Variants in MSH3 observed in about 807,000 individuals in gnomAD.
MSH3 encodes mutS homolog 3.
Under a neutral mutation model 123.3 loss-of-function variants are expected in MSH3, and 106 were observed. The ratio of observed to expected loss-of-function variants is 0.86; its 90% CI spans 0.73 to 1.01. The LOEUF (loss-of-function observed/expected upper bound fraction) is 1.01, where lower values mean the gene tolerates loss of function less well. MSH3 is among the 50% of genes least tolerant of loss of function. MSH3 has a pLI of 0.00. For missense variants in MSH3, 1,459 were observed against 1,347.6 expected (o/e 1.08, Z -1.29); for synonymous variants, 515 against 481.4 (o/e 1.07, Z -0.91).
intron 13 of MSH3, among the ~76,000 whole-genome samples, chr5:80,767,225 A>G (rs1010506207): frequency 2.0e-5 from 3 of 152,144 alleles, no homozygotes; most frequent in African/African-American, 2.4e-5. Flanking sequence ...TTGTTAGTCT[A>G]TTTTTAGATA....
intron 12 of MSH3, among the ~76,000 whole-genome samples, chr5:80,751,726 T>A (rs528943256): frequency 1.6e-4 from 24 of 152,162 alleles, no homozygotes; most frequent in Non-Finnish European, 3.2e-4. Context: ...ATCTTAATAA[T>A]TCCATCTACA....
intron 8 of MSH3, among the ~76,000 whole-genome samples, chr5:80,712,123 C>A (rs796525967): frequency 1.3e-5 from 2 of 152,250 alleles, no homozygotes; most frequent in African/African-American, 4.8e-5. Flanking sequence ...ATGGCTGCCT[C>A]CTGGTGTTCC....
intron 18 of MSH3, among the ~76,000 whole-genome samples, chr5:80,789,959 T>G (rs1744580601): frequency 6.6e-6 from 1 of 152,206 alleles, no homozygotes; most frequent in Non-Finnish European, 1.5e-5. Context: ...CCTGTTATGT[T>G]GACAAACATT....
At chr5:80,725,176 C>G (rs1346164765) in intron 8 of MSH3, among the ~76,000 whole-genome samples, 1 of 140,994 alleles carries the variant, frequency 7.1e-6, no homozygotes, top group Non-Finnish European at 1.5e-5. Flanking sequence ...ATTGCTGCCA[C>G]TGCACTCCAG....
At chr5:80,798,456 A>G (rs1744736919) in intron 19 of MSH3, among the ~76,000 whole-genome samples, 1 of 152,300 alleles carries the variant, frequency 6.6e-6, no homozygotes, top group African/African-American at 2.4e-5. Flanking sequence ...AGTTTAAAAG[A>G]CTAGTTACAG....
chr5:80,870,556 C>T (rs974552545), intron 22 of MSH3, among the ~76,000 whole-genome samples: 21 of 152,168 alleles, frequency 1.4e-4, no homozygotes, highest in African/African-American at 4.1e-4. Context: ...CACCTACTTC[C>T]GCACCTGTGT....
intron 20 of MSH3, among the ~76,000 whole-genome samples, chr5:80,845,202 T>A (rs1431624667): frequency 1.3e-5 from 2 of 152,208 alleles, no homozygotes; most frequent in African/African-American, 4.8e-5. Flanking sequence ...TGAAAATTCT[T>A]TTCTTTAAGA....
In MSH3 at chr5:80,792,809, C is replaced by G; in HGVS notation, c.2620C>G (p.Gln874Glu). The G allele has an allele frequency of 6.2e-7, 1 of 1,612,780 alleles. No individual in the cohort carries two copies. The highest frequency in any genetic ancestry group is 1.1e-5 in the South Asian group (1 of 91,008). Residue 874 changes from glutamine (Q) to glutamate (E), a missense_variant, in exon 19 of 24, where the codon CAG becomes GAG. Gln to Glu is a conservative substitution (Grantham distance 29, BLOSUM62 2). Transcript: ENST00000265081. ...HPVIDVLLGE[Q>E]DQYVPNNTDL... is the part of the protein sequence containing the mutation. ...TGTGATTGATGTGTTGCTGGGAGAA[C>G]AGGATCAATATGTCCCAAATAATAC...
chr5:80,784,635 A>G (rs1301686363), intron 17 of MSH3, among the ~76,000 whole-genome samples: 4 of 152,134 alleles, frequency 2.6e-5, no homozygotes, highest in African/African-American at 9.7e-5. Flanking sequence ...GTGCTATCAA[A>G]TAGTAGGTCT....
intron 20 of MSH3, among the ~76,000 whole-genome samples, chr5:80,833,323 G>C (rs1278835882): frequency 1.3e-5 from 2 of 152,088 alleles, no homozygotes; most frequent in African/African-American, 4.8e-5. Context: ...CAGACAGCTT[G>C]ATAATAATAA....
chr5:80,715,843 G>C (rs1750949530), intron 8 of MSH3, among the ~76,000 whole-genome samples: 1 of 152,124 alleles, frequency 6.6e-6, no homozygotes, highest in Non-Finnish European at 1.5e-5. Flanking sequence ...CCATGATCCA[G>C]TCACCTCCCA....
At chr5:80,721,444 T>C (rs1378410019) in intron 8 of MSH3, among the ~76,000 whole-genome samples, 7 of 152,244 alleles carry the variant, frequency 4.6e-5, no homozygotes, top group Non-Finnish European at 7.3e-5. Context: ...ATATACAAAC[T>C]GCACTCCCAA....
intron 7 of MSH3, among the ~76,000 whole-genome samples, chr5:80,678,062 G>A (rs1749881750): frequency 6.6e-6 from 1 of 152,196 alleles, no homozygotes; most frequent in South Asian, 2.1e-4. Context: ...ATGCCTTGCT[G>A]TTGTCAGAAG....
At chr5:80,800,181 C>G (rs1744767672) in intron 19 of MSH3, among the ~76,000 whole-genome samples, 3 of 152,232 alleles carry the variant, frequency 2.0e-5, no homozygotes, top group Admixed American at 6.5e-5. Flanking sequence ...CCAAGGCAGT[C>G]CTCTCTAGTT....
intron 20 of MSH3, among the ~76,000 whole-genome samples, chr5:80,821,837 G>GT (rs1044537476): frequency 3.3e-5 from 5 of 152,234 alleles, no homozygotes; most frequent in African/African-American, 1.2e-4. Flanking sequence ...TGCTTCCCTT[G>GT]TTGTATGCAC....
chr5:80,758,323 G>A (rs951274670), intron 12 of MSH3, among the ~76,000 whole-genome samples: 2 of 152,216 alleles, frequency 1.3e-5, no homozygotes, highest in East Asian at 1.9e-4. Context: ...AATTTGTAAC[G>A]ATGTGGTAAC....
At chr5:80,669,363 G>A (rs541028898) in intron 3 of MSH3, among the ~76,000 whole-genome samples, 1 of 152,142 alleles carries the variant, frequency 6.6e-6, no homozygotes, top group South Asian at 2.1e-4. Context: ...TGACAGAGTG[G>A]CAATTAATTA....
At chr5:80,816,824 C>T (rs779582771) in intron 20 of MSH3, among the ~76,000 whole-genome samples, 1 of 152,126 alleles carries the variant, frequency 6.6e-6, no homozygotes, top group African/African-American at 2.4e-5. Context: ...GTTTGTGCAT[C>T]TGAATGGTGA....
At chr5:80,746,316 T>G (rs755540836) in intron 12 of MSH3, 2 of 343,938 alleles carry the variant, frequency 5.8e-6, no homozygotes, top group Non-Finnish European at 1.1e-5. Context: ...ATCCTTACAG[T>G]GTGACGGCGT....
Sources: gnomAD v4.1 joint callset for allele counts (sites outside exome capture counted in the v4.1 genomes callset) on GRCh38, gnomAD v4.1.1 for gene constraint, MANE v1.5 for transcripts, NCBI Gene and HGNC (gene_info 2026-07-23, HGNC 2026-07-21) for gene names.